The following CSMD1 variants were observed in gnomAD, a reference collection of about 807,000 sequenced individuals.
CSMD1 encodes the protein CUB and sushi domain-containing protein 1.
In CSMD1, 213 loss-of-function variants were observed where a neutral mutation model predicts 417.5. That is an observed-to-expected ratio of 0.51 (90% CI 0.46 to 0.57). The LOEUF (loss-of-function observed/expected upper bound fraction) is 0.57, where lower values mean the gene tolerates loss of function less well. Among genes scored for constraint, CSMD1 ranks in the 20% least tolerant of loss-of-function variants. CSMD1 has a pLI of 0.00. For missense variants in CSMD1, 6,923 were observed against 4,529.7 expected, an observed-to-expected ratio of 1.53 and a Z score of -15.17; for synonymous variants, 2,862 against 1,736.8, an observed-to-expected ratio of 1.65 and a Z score of -16.11.
chr8:3,636,216 A>G (rs980541181), intron 7 of CSMD1, among the ~76,000 whole-genome samples: 12 of 152,304 alleles, frequency 7.9e-5, no homozygotes, highest in Middle Eastern at 3.4e-3. Context: ...GGTCTTCAGG[A>G]GCAGTAACAG....
chr8:3,133,199 G>T (rs559935003), intron 41 of CSMD1, among the ~76,000 whole-genome samples: 56 of 152,060 alleles, frequency 3.7e-4, no homozygotes, highest in African/African-American at 1.3e-3. Context: ...GGCTGCTGCT[G>T]TCCTCCTGGG....
intron 3 of CSMD1, among the ~76,000 whole-genome samples, chr8:4,233,702 C>G (rs990324686): frequency 6.6e-6 from 1 of 152,098 alleles, no homozygotes; most frequent in Non-Finnish European, 1.5e-5. Flanking sequence ...AATTTTGGTA[C>G]AGCAGCCCCA....
chr8:3,581,625 A>G (rs1800386824), intron 9 of CSMD1, among the ~76,000 whole-genome samples: 1 of 152,148 alleles, frequency 6.6e-6, no homozygotes, highest in Non-Finnish European at 1.5e-5. Context: ...TCCTTCCTGG[A>G]TGCACCTCGC....
chr8:3,825,583 G>A (rs886312433), intron 5 of CSMD1, among the ~76,000 whole-genome samples: 8 of 119,918 alleles, frequency 6.7e-5, no homozygotes, highest in African/African-American at 2.4e-4. Context: ...TTACCTAGAA[G>A]AGTGGGGGAA....
At chr8:4,695,838 C>T (rs895046515) in intron 1 of CSMD1, among the ~76,000 whole-genome samples, 1 of 152,164 alleles carries the variant, frequency 6.6e-6, no homozygotes, top group Non-Finnish European at 1.5e-5. Context: ...AAATAATAAA[C>T]AGAGGATCAT....
At chr8:4,365,640 A>G (rs568821756) in intron 3 of CSMD1, among the ~76,000 whole-genome samples, 1 of 152,282 alleles carries the variant, frequency 6.6e-6, no homozygotes, top group Admixed American at 6.5e-5. Flanking sequence ...CTAACGGTGA[A>G]TTTTAACAGT....
chr8:3,957,043 A>T (rs1035100468), intron 5 of CSMD1, among the ~76,000 whole-genome samples: 16 of 152,324 alleles, frequency 1.1e-4, no homozygotes, highest in African/African-American at 3.8e-4. Context: ...TCTCAGAAGG[A>T]AGAAATAACG....
chr8:4,107,473 G>A (rs1801627556), intron 3 of CSMD1, among the ~76,000 whole-genome samples: 1 of 152,200 alleles, frequency 6.6e-6, no homozygotes, highest in African/African-American at 2.4e-5. Context: ...ATGATTACAA[G>A]TGAAACGGAT....
intron 9 of CSMD1, among the ~76,000 whole-genome samples, chr8:3,583,132 C>G (rs905065573): frequency 7.9e-5 from 12 of 152,034 alleles, no homozygotes; most frequent in African/African-American, 2.7e-4. Flanking sequence ...TTCCTAACAG[C>G]CTGTCTTTCA....
chr8:4,336,965 C>G (rs1242012866), intron 3 of CSMD1, among the ~76,000 whole-genome samples: 2 of 151,996 alleles, frequency 1.3e-5, no homozygotes, highest in African/African-American at 2.4e-5. Context: ...GGAGCAAACC[C>G]TCAGGATTTG....
In CSMD1 at chr8:3,886,000, TAC is replaced by T. The variant is rs1281853714; in HGVS notation, c.818+111901_818+111902del. 5.3e-5 allele frequency among the ~76,000 whole-genome samples: 8 copies of T among 151,504 alleles called. No homozygotes were observed. In the East Asian group the frequency reaches 7.7e-4, roughly 15 times the overall value. On this transcript the variant is annotated intron_variant, in intron 5 of 69. Transcript: ENST00000635120. ...TTGATTCAAATTATATATATATGTG[TAC>T]ATATATATGTGTACATATATATACA...
At chr8:3,457,808 G>C (rs1238326937) in intron 12 of CSMD1, among the ~76,000 whole-genome samples, 1 of 152,172 alleles carries the variant, frequency 6.6e-6, no homozygotes, top group Non-Finnish European at 1.5e-5. Context: ...TTGTAAAAGT[G>C]GGTCCTTGTT....
chr8:4,726,644 C>T (rs1809475508), intron 1 of CSMD1, among the ~76,000 whole-genome samples: 1 of 152,192 alleles, frequency 6.6e-6, no homozygotes, highest in African/African-American at 2.4e-5. Flanking sequence ...TTTCAAGGTA[C>T]TTCATCATCC....
intron 3 of CSMD1, among the ~76,000 whole-genome samples, chr8:4,302,219 A>C (rs2128873915): frequency 6.6e-6 from 1 of 152,338 alleles, no homozygotes; most frequent in South Asian, 2.1e-4. Context: ...AAATAGATGC[A>C]ATGAAGGCCC....
chr8:3,978,058 G>A (rs1423338008), intron 5 of CSMD1, among the ~76,000 whole-genome samples: 4 of 152,136 alleles, frequency 2.6e-5, no homozygotes, highest in Non-Finnish European at 4.4e-5. Context: ...CAAAAAGCAC[G>A]TTGTACTGGA....
intron 5 of CSMD1, among the ~76,000 whole-genome samples, chr8:3,780,157 T>C (rs1799100294): frequency 6.6e-6 from 1 of 152,240 alleles, no homozygotes; most frequent in Non-Finnish European, 1.5e-5. Context: ...AAACATAGTA[T>C]GCACAAATCC....
intron 5 of CSMD1, among the ~76,000 whole-genome samples, chr8:3,784,751 G>C (rs1799359700): frequency 1.3e-5 from 2 of 152,140 alleles, no homozygotes; most frequent in Admixed American, 1.3e-4. Flanking sequence ...GCATGACTAA[G>C]TAAAATAAGA....
intron 5 of CSMD1, among the ~76,000 whole-genome samples, chr8:3,960,889 T>C (rs1378663873): frequency 1.3e-5 from 2 of 152,042 alleles, no homozygotes. Context: ...TATACAAAGC[T>C]CATATCACAA....
At chr8:3,408,437 G>C (rs1812481483) in intron 13 of CSMD1, among the ~76,000 whole-genome samples, 1 of 151,146 alleles carries the variant, frequency 6.6e-6, no homozygotes, top group East Asian at 1.9e-4. Flanking sequence ...AGCACAACCA[G>C]AACCTATACA....
Sources: gnomAD v4.1 joint callset for allele counts (sites outside exome capture counted in the v4.1 genomes callset) on GRCh38, gnomAD v4.1.1 for gene constraint, MANE v1.5 for transcripts, NCBI Gene and HGNC (gene_info 2026-07-23, HGNC 2026-07-21) for gene names.